ANO6: variants seen among roughly 807,000 people sequenced by gnomAD.
ANO6 encodes the protein anoctamin-6.
In ANO6, 106 loss-of-function variants were observed where a neutral mutation model predicts 117.5. That is an observed-to-expected ratio of 0.90 (90% CI 0.77 to 1.06). The LOEUF (loss-of-function observed/expected upper bound fraction) is 1.06, where lower values mean the gene tolerates loss of function less well. Ranked by LOEUF, ANO6 falls within the 50% of genes least tolerant of loss-of-function variation. The pLI is 0.00. For synonymous variants in ANO6, 367 were observed against 385.1 expected, an observed-to-expected ratio of 0.95 and a Z score of 0.55; for missense variants, 955 against 1,121.1, an observed-to-expected ratio of 0.85 and a Z score of 2.12.
intron 3 of ANO6, among the ~76,000 whole-genome samples, chr12:45,337,304 T>G (rs1181673680): frequency 1.3e-5 from 2 of 152,114 alleles, no homozygotes; most frequent in Non-Finnish European, 2.9e-5. Context: ...ACTGTAGCTT[T>G]TCTATATTAA....
intron 7 of ANO6, 126 bp downstream of exon 7, chr12:45,350,900 G>A (rs11610145): frequency 0.025 from 18,965 of 763,554 alleles, 288 homozygotes; most frequent in Non-Finnish European, 0.032. Context: ...GCTGAGCTTC[G>A]TTGGCCAGGG....
chr12:45,409,461 G>C lies in ANO6; in HGVS notation c.1985G>C (p.Gly662Ala). 6.2e-7 allele frequency: 1 copy of C among 1,613,876 alleles called. No individual in the cohort carries two copies. The highest frequency in any genetic ancestry group is 8.5e-7 in the Non-Finnish European group (1 of 1,179,912). The change falls in exon 16 of 20, where the codon GGA (glycine) becomes GCA (alanine). Residue 662 changes from glycine (G) to alanine (A), a missense_variant. By Grantham distance (60) the Gly-to-Ala change is moderately conservative. Coordinates refer to ENST00000320560, the MANE Select transcript of ANO6 (RefSeq NM_001025356.3). ...DYHLQPMGKL[G>A]LFYEYLEMII... ...CATCTGCAGCCTATGGGCAAACTGGGATTATTTTATGAATATCTTGAAATG... is the reference window on the plus strand; with the variant it reads ...CATCTGCAGCCTATGGGCAAACTGGCATTATTTTATGAATATCTTGAAATG...
chr12:45,368,944 C>T (rs1941754093), intron 9 of ANO6, among the ~76,000 whole-genome samples: 1 of 152,144 alleles, frequency 6.6e-6, no homozygotes, highest in African/African-American at 2.4e-5. Context: ...TCTGGGAGAT[C>T]AAATAACCTG....
At chr12:45,309,086 A>G (rs1592946119) in intron 2 of ANO6, among the ~76,000 whole-genome samples, 1 of 152,254 alleles carries the variant, frequency 6.6e-6, no homozygotes, top group African/African-American at 2.4e-5. Context: ...TATTTCTTAA[A>G]TAAATGCTTC....
At chr12:45,296,601 T>C (rs556472874) in intron 1 of ANO6, among the ~76,000 whole-genome samples, 2 of 152,360 alleles carry the variant, frequency 1.3e-5, no homozygotes, top group Non-Finnish European at 1.5e-5. Context: ...TGCTGATTTT[T>C]AAAATTTATA....
At chr12:45,246,813 G>A (rs1947832688) in intron 1 of ANO6, among the ~76,000 whole-genome samples, 1 of 144,796 alleles carries the variant, frequency 6.9e-6, no homozygotes, top group Admixed American at 7.1e-5. Context: ...TACCCAGGTT[G>A]GAGCGCAGTG....
In ANO6 at chr12:45,267,783, T is replaced by A. The variant is rs546132205; in HGVS notation, c.71-34231T>A. On this transcript the variant is annotated intron_variant, in intron 1 of 19. Transcript: ENST00000320560. ...TCCAGTCTGGGCAACAGAGCAAGAC[T>A]CCCATCTCAAAAAAAATAGCACTTA... 3.9e-5 allele frequency among the ~76,000 whole-genome samples: 6 copies of A among 151,984 alleles called. No homozygotes were observed. In the South Asian group the frequency reaches 1.2e-3, roughly 32 times the overall value.
At chr12:45,270,240 C>T (rs992437289) in intron 1 of ANO6, among the ~76,000 whole-genome samples, 2 of 152,188 alleles carry the variant, frequency 1.3e-5, no homozygotes, top group Admixed American at 6.5e-5. Context: ...AGAAGGTGCT[C>T]AGGTGATTTT....
chr12:45,376,740 A>T (rs1285304390), intron 9 of ANO6, among the ~76,000 whole-genome samples: 6 of 151,616 alleles, frequency 4.0e-5, no homozygotes, highest in African/African-American at 9.7e-5. Flanking sequence ...ATTGGGAGGT[A>T]TACCTAATGC....
chr12:45,398,546 A>C (rs1356164086), intron 12 of ANO6, among the ~76,000 whole-genome samples: 1 of 152,210 alleles, frequency 6.6e-6, no homozygotes, highest in Non-Finnish European at 1.5e-5. Context: ...GAAATATTTG[A>C]AAATGGTCAG....
At chr12:45,272,187 T>G in intron 1 of ANO6, among the ~76,000 whole-genome samples, 1 of 5,762 alleles carries the variant, frequency 1.7e-4, no homozygotes, top group Admixed American at 3.6e-3. Context: ...CCTTTTTGGG[T>G]TTTTTTTTCT....
At chr12:45,428,975 G>T (rs1943570579) in intron 19 of ANO6, 130 bp from the exon 20 acceptor site, 1 of 1,054,928 alleles carries the variant, frequency 9.5e-7, no homozygotes, top group Non-Finnish European at 1.4e-6. Flanking sequence ...GGCATTAGCG[G>T]TTGGTTGTGT....
Position 45,386,217 on chromosome 12 carries a change from C to A in ANO6, c.1166-1944C>A, listed in dbSNP as rs565985751. ...CAGCCAGGGTGTGATTACTACCCTG[C>A]ATCTCATTTAATGGTCTTATTCTCT... On this transcript the variant is annotated intron_variant, in intron 10 of 19. Transcript: ENST00000320560. Among the ~76,000 whole-genome samples, 3 of 152,284 alleles carry A rather than the reference C, an allele frequency of 2.0e-5. No homozygotes were observed. In the East Asian group the frequency reaches 5.8e-4, roughly 29 times the overall value.
intron 11 of ANO6, among the ~76,000 whole-genome samples, chr12:45,389,317 G>C (rs753828144): frequency 6.6e-6 from 1 of 152,178 alleles, no homozygotes; most frequent in Non-Finnish European, 1.5e-5. Context: ...CTGTTTACTA[G>C]AGAGGACAGG....
At chr12:45,418,312 C>G (rs551163603) in intron 17 of ANO6, among the ~76,000 whole-genome samples, 1 of 152,310 alleles carries the variant, frequency 6.6e-6, no homozygotes, top group South Asian at 2.1e-4. Context: ...GAGAAAGTTG[C>G]AAATCGCACA....
exon 20 of ANO6, chr12:45,439,805 C>G (rs1943750500): frequency 6.5e-7 from 1 of 1,550,248 alleles, no homozygotes; most frequent in East Asian, 2.4e-5. Context: ...CAACTAACTT[C>G]TGACTTTATT....
intron 16 of ANO6, among the ~76,000 whole-genome samples, chr12:45,412,959 T>G (rs1943123400): frequency 6.6e-6 from 1 of 152,154 alleles, no homozygotes; most frequent in Admixed American, 6.5e-5. Context: ...TGGACATATT[T>G]AAAAGTACAA....
At chr12:45,225,680 G>A (rs1013906476) in intron 1 of ANO6, among the ~76,000 whole-genome samples, 7 of 152,008 alleles carry the variant, frequency 4.6e-5, no homozygotes, top group South Asian at 2.1e-4. Flanking sequence ...TAGTAGAGAC[G>A]GGGTTTCACC....
At chr12:45,303,079 T>C (rs1461411957) in intron 2 of ANO6, among the ~76,000 whole-genome samples, 2 of 152,212 alleles carry the variant, frequency 1.3e-5, no homozygotes, top group Non-Finnish European at 2.9e-5. Context: ...GTAAAGAAAC[T>C]AGAGAGTGCT....
Sources: allele counts gnomAD v4.1 joint callset (sites outside exome capture counted in the v4.1 genomes callset), GRCh38; gene constraint gnomAD v4.1.1; transcripts MANE v1.5; gene names NCBI Gene and HGNC (gene_info 2026-07-23, HGNC 2026-07-21).